Variants in RANBP2 observed in about 807,000 individuals in gnomAD.
The protein encoded by RANBP2 is RAN binding protein 2, also known as E3 SUMO-protein ligase RanBP2.
Under a neutral mutation model 303.6 loss-of-function variants are expected in RANBP2, and 57 were observed. The ratio of observed to expected loss-of-function variants is 0.19; its 90% CI spans 0.15 to 0.23. The LOEUF is 0.23. RANBP2 is among the 10% of genes least tolerant of loss of function. The probability of loss-of-function intolerance (pLI) is 1.00; values close to 1 mark genes in which losing one functional copy is unlikely to be tolerated. For synonymous variants in RANBP2, 1,167 were observed against 1,301.5 expected (o/e 0.90, Z 2.23); for missense variants, 3,138 against 3,780.8 (o/e 0.83, Z 4.46).
chr2:109,101,345 T>C, the RANBP2 span, among the ~76,000 whole-genome samples: 1 of 151,860 alleles, frequency 6.6e-6, no homozygotes, highest in African/African-American at 2.4e-5. Flanking sequence ...GCTAAGACGG[T>C]GAAACCCCCG....
the RANBP2 span, among the ~76,000 whole-genome samples, chr2:109,169,350 C>CA: frequency 0.82 from 124,951 of 152,020 alleles, 51,487 homozygotes; most frequent in East Asian, 0.89. Flanking sequence ...CTGAGCCCAC[C>CA]AAGTTTCAGG....
the RANBP2 span, among the ~76,000 whole-genome samples, chr2:109,411,611 T>C: frequency 6.6e-6 from 1 of 152,156 alleles, no homozygotes; most frequent in African/African-American, 2.4e-5. Flanking sequence ...CTTTGTACTT[T>C]TAGTTTTCAT....
the RANBP2 span, among the ~76,000 whole-genome samples, chr2:108,958,016 T>TA: frequency 8.6e-5 from 13 of 151,490 alleles, no homozygotes; most frequent in Non-Finnish European, 1.3e-4. Context: ...CCCTTTGGAT[T>TA]AAAAAAAAAT....
the RANBP2 span, among the ~76,000 whole-genome samples, chr2:109,152,368 T>C: frequency 1.3e-5 from 2 of 152,312 alleles, no homozygotes; most frequent in African/African-American, 4.8e-5. Flanking sequence ...ATCCCTCTTA[T>C]ATTGCTTTTG....
chr2:109,404,312 C>T, the RANBP2 span, among the ~76,000 whole-genome samples: 1 of 152,272 alleles, frequency 6.6e-6, no homozygotes, highest in East Asian at 1.9e-4. Flanking sequence ...GCTGTGAAAC[C>T]GAGGAGAGAG....
At chr2:109,539,510 C>A in the RANBP2 span, among the ~76,000 whole-genome samples, 1 of 152,026 alleles carries the variant, frequency 6.6e-6, no homozygotes, top group Non-Finnish European at 1.5e-5. Flanking sequence ...GTGGCACGAT[C>A]TTGGCTCACT....
At chr2:109,529,051 C>G in the RANBP2 span, among the ~76,000 whole-genome samples, 3 of 152,212 alleles carry the variant, frequency 2.0e-5, no homozygotes, top group African/African-American at 4.8e-5. Flanking sequence ...GGAGATTTGT[C>G]ACAGCAGCCG....
the RANBP2 span, among the ~76,000 whole-genome samples, chr2:108,963,709 G>A: frequency 6.1e-3 from 936 of 152,330 alleles, 12 homozygotes; most frequent in African/African-American, 0.022. Flanking sequence ...GCAGAATGTT[G>A]CGGCCAATTC....
chr2:109,120,935 C>A, the RANBP2 span, among the ~76,000 whole-genome samples: 2 of 152,166 alleles, frequency 1.3e-5, no homozygotes, highest in Non-Finnish European at 2.9e-5. Context: ...TCATGCAGTG[C>A]AGCTGTTGCA....
At chr2:108,954,815 A>G in the RANBP2 span, among the ~76,000 whole-genome samples, 1 of 151,968 alleles carries the variant, frequency 6.6e-6, no homozygotes, top group Non-Finnish European at 1.5e-5. Flanking sequence ...AGCTAGTATT[A>G]CAGGCGCCCG....
the RANBP2 span, among the ~76,000 whole-genome samples, chr2:109,474,517 C>T: frequency 5.3e-5 from 8 of 152,320 alleles, no homozygotes; most frequent in South Asian, 1.7e-3. Context: ...GGGAGGCCCT[C>T]AGTTGGCCTG....
At chr2:109,643,306 A>C in the RANBP2 span, among the ~76,000 whole-genome samples, 1 of 152,248 alleles carries the variant, frequency 6.6e-6, no homozygotes, top group African/African-American at 2.4e-5. Context: ...CGTTTGAACC[A>C]GAGCAACTCC....
the RANBP2 span, among the ~76,000 whole-genome samples, chr2:109,137,493 C>T: frequency 6.6e-6 from 1 of 152,140 alleles, no homozygotes; most frequent in Non-Finnish European, 1.5e-5. Flanking sequence ...GTGGCTAGGA[C>T]GATGGAGGTC....
chr2:109,379,129 A>G, the RANBP2 span, among the ~76,000 whole-genome samples: 3 of 152,146 alleles, frequency 2.0e-5, no homozygotes, highest in African/African-American at 7.2e-5. Flanking sequence ...CTGCTGTCCC[A>G]TATCTGCAAA....
At chr2:109,185,853 G>C in the RANBP2 span, among the ~76,000 whole-genome samples, 8 of 152,334 alleles carry the variant, frequency 5.3e-5, no homozygotes, top group South Asian at 1.7e-3. Flanking sequence ...CTTGTAATTA[G>C]GGGCATTCTT....
At chr2:109,221,023 G>T in the RANBP2 span, among the ~76,000 whole-genome samples, 1 of 148,798 alleles carries the variant, frequency 6.7e-6, no homozygotes, top group Non-Finnish European at 1.5e-5. Context: ...ACAGATGACA[G>T]GGTAAACAAA....
the RANBP2 span, among the ~76,000 whole-genome samples, chr2:109,324,181 A>G: frequency 0.37 from 56,091 of 152,166 alleles, 11,923 homozygotes; most frequent in Non-Finnish European, 0.48. Flanking sequence ...TTGTGTGGCT[A>G]GACCACATTT....
chr2:109,413,484 C>CTCTG, the RANBP2 span, among the ~76,000 whole-genome samples: 1 of 152,174 alleles, frequency 6.6e-6, no homozygotes, highest in Admixed American at 6.5e-5. Context: ...CCTGCCCTGT[C>CTCTG]TCTGTCTGTC....
chr2:109,279,623 C>T, the RANBP2 span, among the ~76,000 whole-genome samples: 2 of 152,224 alleles, frequency 1.3e-5, no homozygotes, highest in Non-Finnish European at 2.9e-5. Context: ...TTCCCCACCC[C>T]TTCACCTTTT....
Sources: gnomAD v4.1 joint callset for allele counts (sites outside exome capture counted in the v4.1 genomes callset) on GRCh38, gnomAD v4.1.1 for gene constraint, MANE v1.5 for transcripts, NCBI Gene and HGNC (gene_info 2026-07-23, HGNC 2026-07-21) for gene names.